The following MUCL3 variants were observed in gnomAD, a reference collection of about 807,000 sequenced individuals.
MUCL3 encodes the protein mucin like 3, also known as mucin-like protein 3.
MUCL3 carries 42 observed loss-of-function variants against 70.2 expected under a neutral mutation model. The observed-to-expected ratio is 0.60, with a 90% CI of 0.47 to 0.77. The LOEUF (loss-of-function observed/expected upper bound fraction) is 0.77. MUCL3 is among the 30% of genes least tolerant of loss of function. The pLI is 0.00. For synonymous variants in MUCL3, 522 were observed against 647.0 expected, an observed-to-expected ratio of 0.81 and a Z score of 2.93; for missense variants, 1,429 against 1,670.0, an observed-to-expected ratio of 0.86 and a Z score of 2.52.
Position 30,941,031 on chromosome 6 carries a change from C to T in MUCL3, c.32C>T (p.Ala11Val), listed in dbSNP as rs1230118219. ...CAGCCGGTCCACAGCCTCTGCTCCG[C>T]CTTTGGCCTCCAGTGCTGCCTCCTC... MAQPVHSLCS[A>V]FGLQCCLLFL... Residue 11 changes from alanine to valine, a missense_variant, in exon 1 of 3, where the codon GCC becomes GTC. Ala to Val is a moderately conservative substitution (Grantham distance 64). Coordinates refer to ENST00000462446, the MANE Select transcript of MUCL3 (RefSeq NM_080870.4). The T allele has an allele frequency of 1.3e-6, 2 of 1,550,634 alleles. No individual in the cohort carries two copies. The highest frequency in any genetic ancestry group is 1.4e-5 in the African/African-American group (1 of 73,198).
chr6:30,950,429 A>G lies in MUCL3; in HGVS notation c.1965A>G (p.Leu655=), dbSNP rs1318183398. ...TGACAGCCAACGAGAAGACCACACT[A>G]TTCCCAGCAGAGCCTACAGAAAATA... ...REMTANEKTT[L]FPAEPTENRE... Residue 655 remains leucine, a synonymous_variant, in exon 2 of 3, where the codon CTA becomes CTG. Transcript: ENST00000462446. 4 of 1,550,222 alleles carry G rather than the reference A, an allele frequency of 2.6e-6. No individual in the cohort carries two copies. Among genetic ancestry groups the G allele is most frequent in the Non-Finnish European group, 3.5e-6 (4 of 1,146,622 alleles).
In MUCL3 at chr6:30,949,321, C is replaced by T. The variant is rs1562489756; in HGVS notation, c.857C>T (p.Thr286Ile). 3 of 1,551,732 alleles carry T rather than the reference C, an allele frequency of 1.9e-6. No individual in the cohort carries two copies. The highest frequency in any genetic ancestry group is 2.6e-6 in the Non-Finnish European group (3 of 1,147,012). ...NELTQSLAEP[T>I]EHGGRTANEN... is the part of the protein sequence containing the mutation. ...CTCACACAATCTCTAGCAGAGCCTA[C>T]AGAACATGGAGGAAGGACAGCCAAT... Residue 286 changes from threonine to isoleucine, a missense_variant, in exon 2 of 3, where the codon ACA (threonine) becomes ATA (isoleucine). Physicochemically the swap from Thr to Ile is moderately conservative, Grantham distance 89. Transcript: ENST00000462446.
At position 30,951,007 on chromosome 6, in the gene MUCL3, C is replaced by G. The variant is rs1434625720; in HGVS notation, c.2543C>G (p.Thr848Arg). 6.5e-7 allele frequency: 1 copy of G among 1,550,196 alleles called. No individual in the cohort carries two copies. The highest frequency in any genetic ancestry group is 8.7e-7 in the Non-Finnish European group (1 of 1,146,834). Reference sequence around the variant, plus strand: ...GAGCCTACAGAAAATAGAGAAAGCACAGCCAATGAGAAGACCACACCATTC... The same window carrying G: ...GAGCCTACAGAAAATAGAGAAAGCAGAGCCAATGAGAAGACCACACCATTC... ...PAEPTENRES[T>R]ANEKTTPFPA... is the part of the protein sequence containing the mutation. The change falls in exon 2 of 3, where the codon ACA (threonine) becomes AGA (arginine). Residue 848 changes from threonine to arginine, a missense_variant. Physicochemically the swap from Thr to Arg is moderately conservative, Grantham distance 71 (BLOSUM62 -1). Coordinates refer to ENST00000462446, the MANE Select transcript of MUCL3 (RefSeq NM_080870.4).
At chr6:30,941,707 C>G (rs1230726850) in intron 1 of MUCL3, among the ~76,000 whole-genome samples, 1 of 152,104 alleles carries the variant, frequency 6.6e-6, no homozygotes, top group African/African-American at 2.4e-5. Context: ...AGTGATCCGC[C>G]TGCCTCGGCC....
At position 30,950,541 on chromosome 6, in the gene MUCL3, A is replaced by T; in HGVS notation, c.2077A>T (p.Thr693Ser). ...AAGGACCCCATTTGCCAATGAGAAA[A>T]CCACATCATCCTCAGCAGAGCCTAC... ...GQRTPFANEK[T>S]TSSSAEPTEH... Residue 693 changes from threonine (T) to serine (S), a missense_variant, in exon 2 of 3, where the codon ACC becomes TCC. Transcript: ENST00000462446. 1 of 1,547,464 alleles carries T rather than the reference A, an allele frequency of 6.5e-7. No homozygotes were observed. Among genetic ancestry groups the T allele is most frequent in the Non-Finnish European group, 8.7e-7 (1 of 1,146,268 alleles).
chr6:30,945,930 G>C (rs1795759514), intron 1 of MUCL3: 1 of 152,266 alleles, frequency 6.6e-6, no homozygotes, highest in Non-Finnish European at 1.5e-5. Context: ...CTCCAGCCTT[G>C]GCGACAGAGT....
intron 1 of MUCL3, among the ~76,000 whole-genome samples, chr6:30,945,064 G>A (rs2150606523): frequency 6.6e-6 from 1 of 152,324 alleles, no homozygotes; most frequent in South Asian, 2.1e-4. Context: ...TCCCAGAATT[G>A]GTGGGCCAGA....
Position 30,951,256 on chromosome 6 carries a change from C to A in MUCL3, c.2792C>A (p.Ala931Asp), listed in dbSNP as rs376817057. 1 of 1,551,018 alleles carries A rather than the reference C, an allele frequency of 6.4e-7. No homozygotes were observed. Among genetic ancestry groups the A allele is most frequent in the Admixed American group, 2.0e-5 (1 of 50,862 alleles). ...GAACATGGAGAAAGGACCCCACTGG[C>A]CAATGAGATCACCACACCATCCCGA... ...PTEHGERTPL[A>D]NEITTPSRAE... Residue 931 changes from alanine (A) to aspartate (D), a missense_variant, in exon 2 of 3, where the codon GCC becomes GAC. Physicochemically the swap from Ala to Asp is moderately radical, Grantham distance 126. Coordinates refer to ENST00000462446, the MANE Select transcript of MUCL3 (RefSeq NM_080870.4).
At chr6:30,945,056 C>T (rs997044174) in intron 1 of MUCL3, among the ~76,000 whole-genome samples, 1 of 152,178 alleles carries the variant, frequency 6.6e-6, no homozygotes, top group African/African-American at 2.4e-5. Flanking sequence ...AACTGGTATC[C>T]CAGAATTGGT....
At chr6:30,941,335 A>C (rs1470173945) in intron 1 of MUCL3, among the ~76,000 whole-genome samples, 2 of 152,134 alleles carry the variant, frequency 1.3e-5, no homozygotes, top group Admixed American at 6.6e-5. Context: ...AGTTTGCATA[A>C]AGACACTGTA....
Position 30,951,443 on chromosome 6 carries a change from C to G in MUCL3, c.2979C>G (p.Asn993Lys). ...AAAGGACCCCACTGGCCAATGAGAACACCACAACATCCCCAACAGAGTCTA... is the reference window on the plus strand; with the variant it reads ...AAAGGACCCCACTGGCCAATGAGAAGACCACAACATCCCCAACAGAGTCTA... ...NGERTPLANE[N>K]TTTSPTESTE... The change falls in exon 2 of 3, where the codon AAC becomes AAG. Residue 993 changes from asparagine (N) to lysine (K), a missense_variant. Physicochemically the swap from Asn to Lys is moderately conservative, Grantham distance 94 (BLOSUM62 0). Transcript: ENST00000462446. 3 of 1,548,706 alleles carry G rather than the reference C, an allele frequency of 1.9e-6. No homozygotes were observed. The highest frequency in any genetic ancestry group is 2.6e-6 in the Non-Finnish European group (3 of 1,146,446).
chr6:30,946,517 G>A lies in MUCL3; in HGVS notation c.83-2030G>A, dbSNP rs60481157. On this transcript the variant is annotated intron_variant, in intron 1 of 2. Transcript: ENST00000462446. ...TCCCTTATCATGTTTAAAAACATCTGGGGCACAGTGAAAAGTCTAATTTTG... is the reference window on the plus strand; with the variant it reads ...TCCCTTATCATGTTTAAAAACATCTAGGGCACAGTGAAAAGTCTAATTTTG... Among the ~76,000 whole-genome samples the A allele has an allele frequency of 7.9e-4, 120 of 152,272 alleles. 2 individuals are homozygous for A. The East Asian group carries it at 0.022, about 28-fold the overall frequency.
In MUCL3 at chr6:30,953,288, A is replaced by C. The variant is rs1185036384; in HGVS notation, c.*171A>C. 19 of 958,808 alleles carry C rather than the reference A, an allele frequency of 2.0e-5. No individual in the cohort carries two copies. The highest frequency in any genetic ancestry group is 2.7e-5 in the Non-Finnish European group (18 of 664,716). 59.4% of individuals were successfully genotyped at this position (958,808 alleles called of 1,614,324 possible). On this transcript the variant is annotated 3_prime_UTR_variant, in exon 3 of 3. Coordinates refer to ENST00000462446, the MANE Select transcript of MUCL3 (RefSeq NM_080870.4). ...AAACTGGTTGGGGAATGAGGTGATA[A>C]GCAAGGAGGGTGTAAGTTTAGGGGA... is the stretch of plus-strand genomic sequence containing the variant.
rs1760701439 is a variant in MUCL3 at position 30,951,653 on chromosome 6, A to G, written c.3189A>G (p.Thr1063=). The G allele has an allele frequency of 6.4e-7, 1 of 1,552,170 alleles. No homozygotes were observed. The highest frequency in any genetic ancestry group is 1.2e-5 in the South Asian group (1 of 84,066). Residue 1063 remains threonine, a synonymous_variant, in exon 2 of 3, where the codon ACA becomes ACG. Transcript: ENST00000462446. The stretch of plus-strand genomic sequence containing the variant: ...CCACACCATCCCCAGTAAAGCCTAC[A>G]GAACATGGAGAAAAGACTACATTGG... ...ENTTPSPVKP[T]EHGEKTTLAN... is the part of the protein sequence containing the mutation.
rs1325324647 is a variant in MUCL3 at position 30,949,967 on chromosome 6, T to C, written c.1503T>C (p.Asn501=). Residue 501 remains asparagine, a synonymous_variant, in exon 2 of 3, where the codon AAT becomes AAC. Coordinates refer to ENST00000462446, the MANE Select transcript of MUCL3 (RefSeq NM_080870.4). ...CATCCCCAGCAGAGCCTACAGAAAA[T>C]GGACAAAGGACCCCATTTGCCAATG... is the stretch of plus-strand genomic sequence containing the variant. ...TTPSPAEPTE[N]GQRTPFANEK... is the part of the protein sequence containing the mutation. The C allele has an allele frequency of 1.3e-6, 2 of 1,542,342 alleles. No homozygotes were observed. The highest frequency in any genetic ancestry group is 1.7e-6 in the Non-Finnish European group (2 of 1,145,450).
intron 1 of MUCL3, among the ~76,000 whole-genome samples, chr6:30,944,072 G>A (rs1417718089): frequency 2.0e-5 from 3 of 152,074 alleles, no homozygotes; most frequent in Admixed American, 6.6e-5. Context: ...ATTGCAAATG[G>A]AGCATGCCAT....
At chr6:30,945,278 C>G (rs1418903430) in intron 1 of MUCL3, among the ~76,000 whole-genome samples, 1 of 152,110 alleles carries the variant, frequency 6.6e-6, no homozygotes, top group African/African-American at 2.4e-5. Flanking sequence ...AAAGTGCCTC[C>G]TATGGATCAG....
chr6:30,950,426 A>G lies in MUCL3; in HGVS notation c.1962A>G (p.Thr654=). ...NREMTANEKT[T]LFPAEPTENR... is the part of the protein sequence containing the mutation. ...AAATGACAGCCAACGAGAAGACCAC[A>G]CTATTCCCAGCAGAGCCTACAGAAA... The change falls in exon 2 of 3, where the codon ACA becomes ACG. Residue 654 remains threonine, a synonymous_variant. Coordinates refer to ENST00000462446, the MANE Select transcript of MUCL3 (RefSeq NM_080870.4). 1 of 1,548,956 alleles carries G rather than the reference A, an allele frequency of 6.5e-7. No individual in the cohort carries two copies. Among genetic ancestry groups the G allele is most frequent in the Non-Finnish European group, 8.7e-7 (1 of 1,146,448 alleles).
At position 30,951,675 on chromosome 6, in the gene MUCL3, T is replaced by C; in HGVS notation, c.3211T>C (p.Leu1071=). The change falls in exon 2 of 3, where the codon TTG becomes CTG. Residue 1071 remains leucine (L), a synonymous_variant. Transcript: ENST00000462446. ...KPTEHGEKTT[L]ANEKITLSPE... ...TACAGAACATGGAGAAAAGACTACA[T>C]TGGCCAATGAGAAGATCACACTATC... 1 of 1,551,694 alleles carries C rather than the reference T, an allele frequency of 6.4e-7. No individual in the cohort carries two copies. Among genetic ancestry groups the C allele is most frequent in the Non-Finnish European group, 8.7e-7 (1 of 1,147,036 alleles).
Sources: gnomAD v4.1 joint callset for allele counts (sites outside exome capture counted in the v4.1 genomes callset) on GRCh38, gnomAD v4.1.1 for gene constraint, MANE v1.5 for transcripts, NCBI Gene and HGNC (gene_info 2026-07-23, HGNC 2026-07-21) for gene names.